The following CUBN variants were observed in gnomAD, a reference collection of about 807,000 sequenced individuals.
The protein encoded by CUBN is 460 kDa receptor.
CUBN carries 282 observed loss-of-function variants against 405.3 expected under a neutral mutation model. The ratio of observed to expected loss-of-function variants is 0.70; its 90% confidence interval spans 0.63 to 0.77. The LOEUF (loss-of-function observed/expected upper bound fraction) is 0.77, where lower values mean the gene tolerates loss of function less well. Among genes scored for constraint, CUBN ranks in the 30% least tolerant of loss-of-function variants. The pLI is 0.00. For missense variants in CUBN, 4,514 were observed against 4,475.2 expected, an observed-to-expected ratio of 1.01 and a Z score of -0.25; for synonymous variants, 1,684 against 1,617.0, an observed-to-expected ratio of 1.04 and a Z score of -0.99.
chr10:16,904,133 C>A lies in CUBN; in HGVS notation c.7913-18G>T, dbSNP rs781766270. ...AGCATCACCTGAACAAAATAATATA[C>A]CAAGTGCCATCATTGATACAGCTTT... On this transcript the variant is annotated intron_variant, in intron 50 of 66. Coordinates refer to ENST00000377833, the MANE Select transcript of CUBN (RefSeq NM_001081.4). 6.2e-7 allele frequency: 1 copy of A among 1,612,596 alleles called. No individual in the cohort carries two copies. The highest frequency in any genetic ancestry group is 1.3e-5 in the African/African-American group (1 of 74,978).
At chr10:16,828,454 A>C (rs1838861029) in intron 66 of CUBN, among the ~76,000 whole-genome samples, 2 of 152,202 alleles carry the variant, frequency 1.3e-5, no homozygotes, top group Admixed American at 6.5e-5. Flanking sequence ...CCAGTGGCTC[A>C]CGCGTGTAAT....
intron 48 of CUBN, among the ~76,000 whole-genome samples, chr10:16,912,254 A>G (rs779009989): frequency 4.0e-4 from 61 of 152,240 alleles, no homozygotes; most frequent in Non-Finnish European, 6.8e-4. Flanking sequence ...TTTGAAATTC[A>G]CTACCCAACA....
At chr10:17,071,683 G>T in intron 18 of CUBN, 79 bp from the exon 19 acceptor site, 3 of 1,494,444 alleles carry the variant, frequency 2.0e-6, no homozygotes, top group Non-Finnish European at 2.8e-6. Context: ...ATCTAATACT[G>T]CCTGAGGAGA....
intron 28 of CUBN, among the ~76,000 whole-genome samples, chr10:17,011,848 T>C (rs1834195968): frequency 7.1e-6 from 1 of 141,284 alleles, no homozygotes. Context: ...GAGCGCTGAT[T>C]GGTGCATTTA....
rs533873170 is a variant in CUBN at position 16,948,536 on chromosome 10, G to A, written c.5151C>T (p.Val1717=). 1.2e-6 allele frequency: 2 copies of A among 1,614,128 alleles called. No individual in the cohort carries two copies. Among genetic ancestry groups the A allele is most frequent in the Admixed American group, 1.7e-5 (1 of 60,030 alleles). The part of the protein sequence containing the change: ...SFSSALTLRF[V]SDSSISAGGF... ...CCCCAGCACTGATGCTAGAATCAGA[G>A]ACGAATCTCAGCGTCAGGGCGCTGC... is the stretch of plus-strand genomic sequence containing the variant. Residue 1717 remains valine, a synonymous_variant, in exon 35 of 67, where the codon GTC becomes GTT. Transcript: ENST00000377833.
Position 16,890,455 on chromosome 10 carries a change from C to G in CUBN, c.8671G>C (p.Val2891Leu), listed in dbSNP as rs150488625. ...GTGAATGTGTTACTTGGTGTGATAA[C>G]GGGACCCGGAGCCACGTTCCCACAG... ...TGCGNVAPGP[V>L]ITPSNTFTAV... Residue 2891 changes from valine to leucine, a missense_variant, in exon 55 of 67, where the codon GTT becomes CTT. Physicochemically the swap from Val to Leu is conservative, Grantham distance 32 (BLOSUM62 1). Transcript: ENST00000377833. The G allele has an allele frequency of 6.2e-7, 1 of 1,614,106 alleles. No individual in the cohort carries two copies. Among genetic ancestry groups the G allele is most frequent in the Non-Finnish European group, 8.5e-7 (1 of 1,180,002 alleles).
rs1172838703 is a variant in CUBN, at chr10:16,948,464, C to T, written c.5209+14G>A. 8 of 1,613,648 alleles carry T rather than the reference C, an allele frequency of 5.0e-6. No individual in the cohort carries two copies. The African/African-American group carries it at 9.3e-5, about 19-fold the overall frequency. On this transcript the variant is annotated intron_variant, in intron 35 of 66. Transcript: ENST00000377833. Reference sequence around the variant, plus strand: ...CCCTTTTAACCGCTAGAGTCAGGTGCTAGGGTTTCTTACCCGACACTGATG... The same window carrying T: ...CCCTTTTAACCGCTAGAGTCAGGTGTTAGGGTTTCTTACCCGACACTGATG...
At chr10:16,942,277 C>T (rs1341381404) in intron 36 of CUBN, among the ~76,000 whole-genome samples, 1 of 152,236 alleles carries the variant, frequency 6.6e-6, no homozygotes, top group South Asian at 2.1e-4. Flanking sequence ...ATTAAATGTA[C>T]ATCCAATTAA....
intron 27 of CUBN, among the ~76,000 whole-genome samples, chr10:17,039,572 C>G (rs1458138410): frequency 6.6e-6 from 1 of 152,110 alleles, no homozygotes; most frequent in African/African-American, 2.4e-5. Context: ...TCTGCTTTTT[C>G]TAAAACACAA....
At chr10:16,929,017 T>C (rs938022534) in intron 40 of CUBN, among the ~76,000 whole-genome samples, 5 of 151,954 alleles carry the variant, frequency 3.3e-5, no homozygotes, top group African/African-American at 4.8e-5. Context: ...AAAAAAACAG[T>C]TGGCTCTTTG....
At chr10:16,879,152 TA>T in intron 56 of CUBN, among the ~76,000 whole-genome samples, 4 of 152,230 alleles carry the variant, frequency 2.6e-5, no homozygotes, top group Admixed American at 2.6e-4. Context: ...CTATATCTCA[TA>T]GTAGTTACAT....
chr10:17,097,525 A>G (rs1836400923), intron 14 of CUBN, among the ~76,000 whole-genome samples: 1 of 152,194 alleles, frequency 6.6e-6, no homozygotes, highest in South Asian at 2.1e-4. Context: ...AAAAGAGAGG[A>G]CACTTTTCTA....
chr10:17,061,017 C>T (rs1214263340), intron 22 of CUBN, among the ~76,000 whole-genome samples: 1 of 152,092 alleles, frequency 6.6e-6, no homozygotes, highest in Non-Finnish European at 1.5e-5. Flanking sequence ...CCATTGCACT[C>T]CAGCCTGGGC....
intron 31 of CUBN, among the ~76,000 whole-genome samples, chr10:16,979,445 T>C (rs1833200489): frequency 6.6e-6 from 1 of 152,116 alleles, no homozygotes; most frequent in African/African-American, 2.4e-5. Flanking sequence ...CAAACTATAC[T>C]ACAAGCCTAC....
chr10:17,012,438 G>A (rs1443596024), intron 28 of CUBN, among the ~76,000 whole-genome samples: 2 of 152,222 alleles, frequency 1.3e-5, no homozygotes, highest in Non-Finnish European at 2.9e-5. Flanking sequence ...CAGCAGTGAG[G>A]AGGGTCTAGG....
At chr10:16,935,902 A>G (rs1202837105) in intron 39 of CUBN, among the ~76,000 whole-genome samples, 1 of 151,436 alleles carries the variant, frequency 6.6e-6, no homozygotes, top group Non-Finnish European at 1.5e-5. Context: ...AAAAAGAAAA[A>G]AAAAAAGAAA....
At chr10:16,858,017 A>G (rs1839909198) in intron 59 of CUBN, among the ~76,000 whole-genome samples, 1 of 152,204 alleles carries the variant, frequency 6.6e-6, no homozygotes, top group South Asian at 2.1e-4. Flanking sequence ...TATACTAACC[A>G]TTAACATGTG....
At chr10:17,116,721 T>C (rs1836909426) in intron 6 of CUBN, among the ~76,000 whole-genome samples, 1 of 152,180 alleles carries the variant, frequency 6.6e-6, no homozygotes, top group African/African-American at 2.4e-5. Flanking sequence ...AGAACCAACC[T>C]CCAGGCACAG....
intron 10 of CUBN, among the ~76,000 whole-genome samples, chr10:17,107,402 G>A (rs979531637): frequency 4.6e-5 from 7 of 151,672 alleles, no homozygotes; most frequent in African/African-American, 1.7e-4. Context: ...GTTAAAGATG[G>A]ATAGAAAAAC....
Sources: gnomAD v4.1 joint callset for allele counts (sites outside exome capture counted in the v4.1 genomes callset) on GRCh38, gnomAD v4.1.1 for gene constraint, MANE v1.5 for transcripts, NCBI Gene and HGNC (gene_info 2026-07-23, HGNC 2026-07-21) for gene names.